MYO3B: variants seen among roughly 807,000 people sequenced by gnomAD.
MYO3B encodes the protein myosin-IIIb.
Under a neutral mutation model 174.6 loss-of-function variants are expected in MYO3B, and 156 were observed. The ratio of observed to expected loss-of-function variants is 0.89; its 90% CI spans 0.78 to 1.02. MYO3B has a LOEUF of 1.02. Ranked by LOEUF, MYO3B falls within the 50% of genes least tolerant of loss-of-function variation. MYO3B has a pLI of 0.00. For missense variants in MYO3B, 1,632 were observed against 1,639.4 expected (o/e 1.00, Z 0.08); for synonymous variants, 563 against 569.1 (o/e 0.99, Z 0.15).
At chr2:170,456,645 G>T (rs190199156) in intron 23 of MYO3B, among the ~76,000 whole-genome samples, 1 of 152,172 alleles carries the variant, frequency 6.6e-6, no homozygotes, top group Non-Finnish European at 1.5e-5. Context: ...CTCTCCTTCT[G>T]CCACTGAACG....
At position 170,178,169 on chromosome 2, in the gene MYO3B, G is replaced by A; in HGVS notation, c.-119G>A. The A allele has an allele frequency of 8.1e-7, 1 of 1,229,238 alleles. No homozygotes were observed. The highest frequency in any genetic ancestry group is 1.2e-6 in the Non-Finnish European group (1 of 829,408). The allele number at this position is 1,229,238 out of a possible 1,614,324, so 76.1% of individuals were successfully genotyped here. On this transcript the variant is annotated 5_prime_UTR_variant, in exon 1 of 35. An upstream start codon of the reference 5' UTR is lost. Coordinates refer to ENST00000408978, the MANE Select transcript of MYO3B (RefSeq NM_138995.5). Reference sequence around the variant, plus strand: ...CCTAGATCGAAAGTCCTTTGGTAATGATGTGTCATACATTCTAGTCATCAA... The same window carrying A: ...CCTAGATCGAAAGTCCTTTGGTAATAATGTGTCATACATTCTAGTCATCAA...
At chr2:170,242,873 GGCACC>G (rs2093149790) in intron 7 of MYO3B, among the ~76,000 whole-genome samples, 2 of 152,152 alleles carry the variant, frequency 1.3e-5, no homozygotes, top group Admixed American at 6.5e-5. Context: ...CTAGAGTTGA[GGCACC>G]CTGGTTTCCT....
At chr2:170,617,515 A>G (rs1011665409) in intron 32 of MYO3B, among the ~76,000 whole-genome samples, 1 of 152,198 alleles carries the variant, frequency 6.6e-6, no homozygotes, top group African/African-American at 2.4e-5. Context: ...GAGTATATAC[A>G]TTTTGAGGTG....
At chr2:170,387,976 C>T (rs2094388059) in intron 14 of MYO3B, among the ~76,000 whole-genome samples, 1 of 152,088 alleles carries the variant, frequency 6.6e-6, no homozygotes, top group Non-Finnish European at 1.5e-5. Context: ...AATATAACCA[C>T]TGGTGTGGTA....
At chr2:170,643,180 C>G (rs1327304075) in intron 32 of MYO3B, among the ~76,000 whole-genome samples, 2 of 152,212 alleles carry the variant, frequency 1.3e-5, no homozygotes, top group African/African-American at 2.4e-5. Context: ...TGTATAATCT[C>G]TTAGTCTCAC....
intron 28 of MYO3B, among the ~76,000 whole-genome samples, chr2:170,513,914 A>C (rs1424604800): frequency 3.3e-5 from 5 of 152,184 alleles, no homozygotes; most frequent in African/African-American, 1.2e-4. Flanking sequence ...ACAAATAATA[A>C]AGGAGAAAGG....
chr2:170,649,081 AAAAT>A (rs1405207542), intron 32 of MYO3B, among the ~76,000 whole-genome samples: 1 of 76,350 alleles, frequency 1.3e-5, no homozygotes, highest in Admixed American at 2.5e-4. Flanking sequence ...TATTATATAT[AAAAT>A]AATATATAAT....
intron 25 of MYO3B, among the ~76,000 whole-genome samples, chr2:170,477,438 A>C (rs891667887): frequency 6.6e-6 from 1 of 152,108 alleles, no homozygotes; most frequent in Non-Finnish European, 1.5e-5. Flanking sequence ...TTTTACAGGG[A>C]TGGAGTGGAC....
chr2:170,564,537 T>C (rs1245183688), intron 32 of MYO3B, among the ~76,000 whole-genome samples: 1 of 152,164 alleles, frequency 6.6e-6, no homozygotes, highest in Non-Finnish European at 1.5e-5. Flanking sequence ...AAACAGTTTG[T>C]GCAAATAAAA....
chr2:170,471,556 T>A (rs1219945642), intron 25 of MYO3B, among the ~76,000 whole-genome samples: 2 of 152,308 alleles, frequency 1.3e-5, no homozygotes, highest in East Asian at 3.8e-4. Flanking sequence ...CTATGGTCCA[T>A]TTGGATTTAA....
At chr2:170,203,498 C>CGGG (rs1278855339) in intron 3 of MYO3B, among the ~76,000 whole-genome samples, 5 of 13,412 alleles carry the variant, frequency 3.7e-4, no homozygotes, top group Non-Finnish European at 1.1e-3. Flanking sequence ...AAGGGGGCGG[C>CGGG]GGGGGGGGGA....
chr2:170,192,669 G>T (rs1357689088), intron 1 of MYO3B, among the ~76,000 whole-genome samples: 3 of 150,394 alleles, frequency 2.0e-5, no homozygotes, highest in African/African-American at 4.9e-5. Context: ...ATTATAATTT[G>T]CTTGGTAAAA....
chr2:170,504,410 T>C (rs1687490221), intron 28 of MYO3B, among the ~76,000 whole-genome samples: 1 of 152,210 alleles, frequency 6.6e-6, no homozygotes, highest in African/African-American at 2.4e-5. Flanking sequence ...GCAGCACATA[T>C]TGAAATTTGT....
intron 8 of MYO3B, chr2:170,343,803 A>G (rs2093995256): frequency 6.6e-6 from 1 of 152,268 alleles, no homozygotes; most frequent in South Asian, 2.1e-4. Context: ...TTGGCCTTGA[A>G]CAAGTCACTT....
intron 32 of MYO3B, among the ~76,000 whole-genome samples, chr2:170,553,531 T>G (rs574267141): frequency 2.6e-5 from 4 of 151,854 alleles, no homozygotes; most frequent in African/African-American, 9.7e-5. Flanking sequence ...GTACCCCCAT[T>G]GTATCTTAGA....
rs1407365474 is a variant in MYO3B at position 170,635,441 on chromosome 2, A to G, written c.3734-16187A>G. Among the ~76,000 whole-genome samples the G allele has an allele frequency of 4.6e-5, 7 of 152,082 alleles. No individual in the cohort carries two copies. In the East Asian group the frequency reaches 7.7e-4, roughly 17 times the overall value. On this transcript the variant is annotated intron_variant, in intron 32 of 34. Transcript: ENST00000408978. ...TACACTCGGACACAGTAAGAGGAAC[A>G]TCACACACCAGGGGCCTGTCGTGGG...
chr2:170,651,806 G>C (rs2105508006), intron 33 of MYO3B, 72 bp downstream of exon 33: 1 of 1,347,506 alleles, frequency 7.4e-7, no homozygotes, highest in East Asian at 2.3e-5. Context: ...ATTACTACCT[G>C]TTCCAGCCCC....
intron 17 of MYO3B, 75 bp from the exon 18 acceptor site, chr2:170,401,406 G>A: frequency 7.2e-7 from 1 of 1,381,558 alleles, no homozygotes; most frequent in Non-Finnish European, 1.0e-6. Flanking sequence ...CATAGTAGAT[G>A]TTGAATAAAT....
intron 32 of MYO3B, among the ~76,000 whole-genome samples, chr2:170,549,389 G>A (rs1690738695): frequency 1.3e-5 from 2 of 152,178 alleles, no homozygotes. Context: ...CCACCAGAGA[G>A]CATGTGGAAC....
Sources: gnomAD v4.1 joint callset for allele counts (sites outside exome capture counted in the v4.1 genomes callset) on GRCh38, gnomAD v4.1.1 for gene constraint, MANE v1.5 for transcripts, NCBI Gene and HGNC (gene_info 2026-07-23, HGNC 2026-07-21) for gene names.